PPP2R2C: variants seen among roughly 807,000 people sequenced by gnomAD.
The protein encoded by PPP2R2C is protein phosphatase 2 regulatory subunit Bgamma.
A neutral mutation model predicts 45.3 loss-of-function variants in PPP2R2C; 10 were observed. That is an observed-to-expected ratio of 0.22 (90% CI 0.14 to 0.37). PPP2R2C has a LOEUF of 0.37. Ranked by LOEUF, PPP2R2C falls within the 10% of genes least tolerant of loss-of-function variation. The pLI, the probability that PPP2R2C is intolerant of heterozygous loss-of-function variation, is 1.00. For missense variants in PPP2R2C, 308 were observed against 619.7 expected, an observed-to-expected ratio of 0.50 and a Z score of 5.34; for synonymous variants, 257 against 245.4, an observed-to-expected ratio of 1.05 and a Z score of -0.44.
At chr4:6,365,854 C>T (rs1021722668) in intron 5 of PPP2R2C, among the ~76,000 whole-genome samples, 5 of 152,158 alleles carry the variant, frequency 3.3e-5, no homozygotes, top group Non-Finnish European at 7.4e-5. Context: ...TCAATCGAAC[C>T]GTCTTTTAAA....
Position 6,348,750 on chromosome 4 carries a change from G to A in PPP2R2C, c.626-740C>T, listed in dbSNP as rs555517077. ...AGGACAAGGAGAAACCCTGGAGCTT[G>A]AGGGTGGGGCAGACAGTGGAAAGAG... On this transcript the variant is annotated intron_variant, in intron 5 of 8. Coordinates refer to ENST00000382599, the MANE Select transcript of PPP2R2C (RefSeq NM_020416.4). 5 of 954,906 alleles carry A rather than the reference G, an allele frequency of 5.2e-6. No individual in the cohort carries two copies. The African/African-American group carries it at 8.8e-5, about 17-fold the overall frequency. 59.2% of individuals were successfully genotyped at this position (954,906 alleles called of 1,614,324 possible).
chr4:6,538,465 A>G (rs1485534566), intron 1 of PPP2R2C, among the ~76,000 whole-genome samples: 1 of 152,230 alleles, frequency 6.6e-6, no homozygotes, highest in African/African-American at 2.4e-5. Flanking sequence ...ATGATTTAAC[A>G]ATCTGTGTTG....
At chr4:6,477,183 G>A (rs1722189819), upstream of PPP2R2C, among the ~76,000 whole-genome samples, 1 of 152,160 alleles carries the variant, frequency 6.6e-6, no homozygotes, top group African/African-American at 2.4e-5. Flanking sequence ...TGGAGACAGG[G>A]GTTGCAGTGA....
intron 6 of PPP2R2C, among the ~76,000 whole-genome samples, chr4:6,337,112 GTA>G (rs61657951): frequency 0.014 from 413 of 30,010 alleles, 14 homozygotes; most frequent in East Asian, 0.038. Context: ...ATGTGTGTGT[GTA>G]TATATATATA....
chr4:6,337,161 T>C (rs866077745), intron 6 of PPP2R2C, among the ~76,000 whole-genome samples: 1 of 113,660 alleles, frequency 8.8e-6, no homozygotes, highest in South Asian at 3.1e-4. Context: ...TATATATATA[T>C]TTGTAGTTTT....
At chr4:6,510,740 G>A (rs1723401449) in intron 2 of PPP2R2C, among the ~76,000 whole-genome samples, 1 of 152,142 alleles carries the variant, frequency 6.6e-6, no homozygotes, top group African/African-American at 2.4e-5. Context: ...CACTTTGGGA[G>A]GCCGAGGTGG....
chr4:6,503,000 G>T (rs968223610), intron 2 of PPP2R2C, among the ~76,000 whole-genome samples: 6 of 152,106 alleles, frequency 3.9e-5, no homozygotes, highest in Non-Finnish European at 8.8e-5. Flanking sequence ...GTCTTCACTG[G>T]CTCCCACTTC....
chr4:6,549,883 T>C (rs1725125877), intron 1 of PPP2R2C, among the ~76,000 whole-genome samples: 1 of 152,188 alleles, frequency 6.6e-6, no homozygotes, highest in South Asian at 2.1e-4. Context: ...CGAGACTCAG[T>C]TCCCAGGTGA....
intron 1 of PPP2R2C, among the ~76,000 whole-genome samples, chr4:6,443,471 A>G (rs1560551106): frequency 6.6e-6 from 1 of 152,212 alleles, no homozygotes. Flanking sequence ...TGGGCAGAGA[A>G]GCCAGACCAC....
chr4:6,482,459 A>G (rs1487669279), intron 2 of PPP2R2C, among the ~76,000 whole-genome samples: 3 of 152,166 alleles, frequency 2.0e-5, no homozygotes, highest in Non-Finnish European at 4.4e-5. Flanking sequence ...GGGCTGGTAC[A>G]TCTTTTGTTA....
At chr4:6,353,205 G>T (rs887308469) in intron 5 of PPP2R2C, among the ~76,000 whole-genome samples, 2 of 151,922 alleles carry the variant, frequency 1.3e-5, no homozygotes, top group Non-Finnish European at 2.9e-5. Flanking sequence ...GGTGCTTCCT[G>T]GGAGTTGGGA....
intron 1 of PPP2R2C, among the ~76,000 whole-genome samples, chr4:6,420,461 C>G (rs987531780): frequency 2.0e-5 from 3 of 151,722 alleles, no homozygotes; most frequent in Non-Finnish European, 4.4e-5. Flanking sequence ...GACAGATGTA[C>G]TTTTTCTGCA....
intron 1 of PPP2R2C, among the ~76,000 whole-genome samples, chr4:6,411,070 C>T (rs1418591979): frequency 8.6e-5 from 13 of 151,912 alleles, no homozygotes; most frequent in Admixed American, 5.9e-4. Context: ...GGAGTTTCAC[C>T]ATGTTGCCCA....
At chr4:6,473,884 G>A (rs1166227436), upstream of PPP2R2C, among the ~76,000 whole-genome samples, 2 of 152,146 alleles carry the variant, frequency 1.3e-5, no homozygotes, top group Non-Finnish European at 2.9e-5. Context: ...GGAGATGAAA[G>A]CCCCCCAGCA....
chr4:6,463,505 G>A (rs914657014), intron 1 of PPP2R2C, among the ~76,000 whole-genome samples: 4 of 152,252 alleles, frequency 2.6e-5, no homozygotes, highest in African/African-American at 9.6e-5. Context: ...GGGACATTCA[G>A]CCCTGGGTTC....
intron 1 of PPP2R2C, among the ~76,000 whole-genome samples, chr4:6,464,905 A>AAGGAAGGG (rs1318822777): frequency 1.4e-5 from 2 of 138,220 alleles, no homozygotes; most frequent in Admixed American, 1.4e-4. Flanking sequence ...AGAGAGAAGG[A>AAGGAAGGG]AGGAAGGGAG....
intron 1 of PPP2R2C, among the ~76,000 whole-genome samples, chr4:6,422,696 GACAC>G (rs1719057786): frequency 6.6e-6 from 1 of 152,040 alleles, no homozygotes; most frequent in African/African-American, 2.4e-5. Flanking sequence ...TTCTTATAAG[GACAC>G]AGTCATATTG....
upstream of PPP2R2C, among the ~76,000 whole-genome samples, chr4:6,472,733 G>A (rs899383072): frequency 2.6e-5 from 4 of 151,836 alleles, no homozygotes; most frequent in African/African-American, 9.7e-5. Context: ...GCACCGCCGT[G>A]CTCGGGCCCT....
In PPP2R2C at chr4:6,332,780, G is replaced by A. The variant is rs1323992522; in HGVS notation, c.960+782C>T. Reference sequence around the variant, plus strand: ...CAAGCACGTGGCACCCCATGTGTGAGGAGTGACACGGTGAGGAACCGGCTG... The same window carrying A: ...CAAGCACGTGGCACCCCATGTGTGAAGAGTGACACGGTGAGGAACCGGCTG... On this transcript the variant is annotated intron_variant, in intron 7 of 8. Coordinates refer to ENST00000382599, the MANE Select transcript of PPP2R2C (RefSeq NM_020416.4). This position sits in a 1 kb window ranked among gnomAD's most constrained non-coding sequence, Gnocchi z 4.9. Among the ~76,000 whole-genome samples the A allele has an allele frequency of 6.6e-6, 1 of 152,150 alleles. No homozygotes were observed. The highest frequency in any genetic ancestry group is 1.5e-5 in the Non-Finnish European group (1 of 68,024).
Sources: allele counts gnomAD v4.1 joint callset (sites outside exome capture counted in the v4.1 genomes callset), GRCh38; gene constraint gnomAD v4.1.1; non-coding constraint Gnocchi (gnomAD v3.1); transcripts MANE v1.5; gene names NCBI Gene and HGNC (gene_info 2026-07-23, HGNC 2026-07-21).